Variants in SMTNL1 observed in about 807,000 individuals in gnomAD.
The protein encoded by SMTNL1 is smoothelin like 1.
In SMTNL1, 41 loss-of-function variants were observed where a neutral mutation model predicts 46.6. The observed-to-expected ratio is 0.88, with a 90% CI of 0.69 to 1.14. The LOEUF is 1.14. SMTNL1 is among the 50% of genes most tolerant of loss of function. The pLI, the probability that SMTNL1 is intolerant of heterozygous loss-of-function variation, is 0.00. For missense variants in SMTNL1, 591 were observed against 626.1 expected, an observed-to-expected ratio of 0.94 and a Z score of 0.60; for synonymous variants, 234 against 234.2, an observed-to-expected ratio of 1.00 and a Z score of 0.01.
intron 1 of SMTNL1, among the ~76,000 whole-genome samples, chr11:57,539,843 T>C (rs1396486897): frequency 1.3e-5 from 2 of 152,238 alleles, no homozygotes; most frequent in South Asian, 2.1e-4. Context: ...CCTATTGTTG[T>C]CTGCAGAAAT....
At chr11:57,544,671 T>C (rs1037402976) in intron 4 of SMTNL1, among the ~76,000 whole-genome samples, 1 of 152,200 alleles carries the variant, frequency 6.6e-6, no homozygotes, top group Non-Finnish European at 1.5e-5. Flanking sequence ...ATCTACCTCG[T>C]AGGATTATTC....
intron 1 of SMTNL1, among the ~76,000 whole-genome samples, chr11:57,539,780 A>G (rs1269368401): frequency 6.6e-6 from 1 of 152,166 alleles, no homozygotes; most frequent in South Asian, 2.1e-4. Flanking sequence ...CTGGCTCCAG[A>G]TATTTTCTAA....
At chr11:57,545,782 A>G in intron 4 of SMTNL1, 99 bp from the exon 5 acceptor site, 1 of 1,185,012 alleles carries the variant, frequency 8.4e-7, no homozygotes, top group African/African-American at 1.5e-5. Flanking sequence ...ACCCCCTTAG[A>G]CTGCAGTGCC....
At chr11:57,549,835 A>G (rs1944944833) in intron 7 of SMTNL1, 133 bp from the exon 8 acceptor site, 1 of 902,144 alleles carries the variant, frequency 1.1e-6, no homozygotes, top group African/African-American at 1.7e-5. Context: ...TGATTGGCTT[A>G]GATGATCTCC....
intron 1 of SMTNL1, among the ~76,000 whole-genome samples, chr11:57,542,108 A>AC (rs1340727603): frequency 4.2e-4 from 14 of 33,148 alleles, no homozygotes; most frequent in African/African-American, 1.2e-3. Flanking sequence ...TCTCTACAAA[A>AC]AAAAAACACA....
intron 1 of SMTNL1, among the ~76,000 whole-genome samples, chr11:57,538,115 A>C (rs1174459073): frequency 6.6e-6 from 1 of 151,194 alleles, no homozygotes; most frequent in African/African-American, 2.4e-5. Context: ...AGACACTTCT[A>C]CTTCTACCAG....
rs1944898837 is a variant in SMTNL1 at position 57,543,509 on chromosome 11, G to C, written c.733-115G>C. On this transcript the variant is annotated intron_variant, in intron 2 of 7. Coordinates refer to ENST00000527972, the MANE Select transcript of SMTNL1 (RefSeq NM_001105565.3). ...CCAGAGCCCAGGGTGGGGGAGGGGG[G>C]ACAAGGAGTGCAGCACCGTAGTCCC... The C allele has an allele frequency of 7.3e-6, 11 of 1,516,626 alleles. No individual in the cohort carries two copies. The South Asian group carries it at 1.3e-4, about 18-fold the overall frequency. 93.9% of individuals were successfully genotyped at this position (1,516,626 alleles called of 1,614,324 possible).
intron 1 of SMTNL1, among the ~76,000 whole-genome samples, chr11:57,538,915 T>C (rs1443809731): frequency 6.6e-6 from 1 of 152,162 alleles, no homozygotes; most frequent in African/African-American, 2.4e-5. Flanking sequence ...GCATCTTCAC[T>C]CCTTTTCTAT....
At chr11:57,545,554 A>C (rs1196769191) in intron 4 of SMTNL1, among the ~76,000 whole-genome samples, 1 of 151,642 alleles carries the variant, frequency 6.6e-6, no homozygotes, top group Non-Finnish European at 1.5e-5. Flanking sequence ...GCAATGAGCC[A>C]AGATCACACC....
At chr11:57,538,754 G>A (rs549771460) in intron 1 of SMTNL1, among the ~76,000 whole-genome samples, 51 of 152,292 alleles carry the variant, frequency 3.3e-4, no homozygotes, top group African/African-American at 1.2e-3. Flanking sequence ...AATCCCCATT[G>A]GCTCCCTAAT....
intron 1 of SMTNL1, among the ~76,000 whole-genome samples, chr11:57,539,688 C>T (rs547952891): frequency 6.6e-6 from 1 of 152,312 alleles, no homozygotes; most frequent in Non-Finnish European, 1.5e-5. Flanking sequence ...CATTATAGTG[C>T]ACTGCTTGAC....
At chr11:57,547,318 G>C (rs1462273376) in intron 7 of SMTNL1, among the ~76,000 whole-genome samples, 1 of 152,176 alleles carries the variant, frequency 6.6e-6, no homozygotes, top group Non-Finnish European at 1.5e-5. Context: ...CAGAGCCACT[G>C]GAAGGTGGGA....
chr11:57,538,907 A>G (rs1409246746), intron 1 of SMTNL1, among the ~76,000 whole-genome samples: 4 of 152,318 alleles, frequency 2.6e-5, no homozygotes, highest in Non-Finnish European at 5.9e-5. Context: ...CATTCTGAGC[A>G]TCTTCACTCC....
chr11:57,542,111 A>ACACACAC (rs1491501897), intron 1 of SMTNL1, among the ~76,000 whole-genome samples: 35 of 87,974 alleles, frequency 4.0e-4, no homozygotes, highest in South Asian at 2.7e-3. Context: ...CTACAAAAAA[A>ACACACAC]AAACACACAC....
chr11:57,549,140 C>G (rs1461517420), intron 7 of SMTNL1, among the ~76,000 whole-genome samples: 1 of 151,936 alleles, frequency 6.6e-6, no homozygotes, highest in Non-Finnish European at 1.5e-5. Context: ...ATTCTCATGC[C>G]TCAGCCTCCC....
At chr11:57,545,513 G>A (rs1436340514) in intron 4 of SMTNL1, among the ~76,000 whole-genome samples, 1 of 151,628 alleles carries the variant, frequency 6.6e-6, no homozygotes, top group Non-Finnish European at 1.5e-5. Flanking sequence ...GCTGAGGCAG[G>A]AGAATCGCTT....
chr11:57,543,739 G>A lies in SMTNL1; in HGVS notation c.848G>A (p.Gly283Glu), dbSNP rs879564703. 6.4e-7 allele frequency: 1 copy of A among 1,562,820 alleles called. No individual in the cohort carries two copies. The highest frequency in any genetic ancestry group is 8.7e-7 in the Non-Finnish European group (1 of 1,153,562). Residue 283 changes from glycine to glutamate, a missense_variant, in exon 3 of 8, where the codon GGG becomes GAG. By Grantham distance (98) the Gly-to-Glu change is moderately conservative (BLOSUM62 -2). Coordinates refer to ENST00000527972, the MANE Select transcript of SMTNL1 (RefSeq NM_001105565.3). ...EEWPESPTGEGHNLSTDGLGP... is the reference protein window; with the variant it reads ...EEWPESPTGEEHNLSTDGLGP... ...TGGCCTGAGAGCCCCACTGGGGAGG[G>A]GCACAACCTCAGCACAGGTGAGTGA...
rs145580019 is a variant in SMTNL1 at position 57,541,563 on chromosome 11, G to A, written c.-2-1078G>A. The A allele has an allele frequency of 4.0e-5, 55 of 1,366,818 alleles. No homozygotes were observed. The East Asian group carries it at 2.3e-3, about 57-fold the overall frequency. 84.7% of individuals were successfully genotyped at this position (1,366,818 alleles called of 1,614,324 possible). A position where few individuals can be genotyped will look rare whatever the true frequency, so the allele number is the denominator to read the frequency against. On this transcript the variant is annotated intron_variant, in intron 1 of 7. Coordinates refer to ENST00000527972, the MANE Select transcript of SMTNL1 (RefSeq NM_001105565.3). ...CTCAGCAGAGGCCAGGGAGAGTACG[G>A]CTCCATTCTTCACTCAAGGAAACGC...
intron 4 of SMTNL1, 33 bp from the exon 5 acceptor site, chr11:57,545,848 C>A: frequency 6.3e-7 from 1 of 1,596,764 alleles, no homozygotes; most frequent in East Asian, 2.3e-5. Context: ...TGGTCCCAGC[C>A]TCTCTCACAC....
Sources: gnomAD v4.1 joint callset for allele counts (sites outside exome capture counted in the v4.1 genomes callset) on GRCh38, gnomAD v4.1.1 for gene constraint, MANE v1.5 for transcripts, NCBI Gene and HGNC (gene_info 2026-07-23, HGNC 2026-07-21) for gene names.